The following PLSCR1 variants were observed in gnomAD, a reference collection of about 807,000 sequenced individuals.
PLSCR1 encodes phospholipid scramblase 1, also known as PL scramblase 1.
A neutral mutation model predicts 37.8 loss-of-function variants in PLSCR1; 17 were observed. The ratio of observed to expected loss-of-function variants is 0.45; its 90% CI spans 0.31 to 0.68. The LOEUF (loss-of-function observed/expected upper bound fraction) is 0.68. Ranked by LOEUF, PLSCR1 falls within the 30% of genes least tolerant of loss-of-function variation. The probability of loss-of-function intolerance (pLI) is 0.06; values close to 1 mark genes in which losing one functional copy is unlikely to be tolerated. For synonymous variants in PLSCR1, 116 were observed against 125.9 expected (o/e 0.92, Z 0.53); for missense variants, 347 against 380.9 (o/e 0.91, Z 0.74).
chr3:146,534,479 T>C (rs2044239981), intron 2 of PLSCR1, among the ~76,000 whole-genome samples: 1 of 152,198 alleles, frequency 6.6e-6, no homozygotes, highest in African/African-American at 2.4e-5. Context: ...CATTTTTCTG[T>C]ATGTGTCTCT....
intron 7 of PLSCR1, among the ~76,000 whole-genome samples, chr3:146,519,146 G>A (rs1410431754): frequency 6.6e-6 from 1 of 152,114 alleles, no homozygotes; most frequent in Non-Finnish European, 1.5e-5. Flanking sequence ...GCAAAGAGAA[G>A]TGAAAGAATT....
Position 146,525,648 on chromosome 3 carries a change from C to CTA in PLSCR1, c.313-3_313-2dup. 1 of 1,471,816 alleles carries CTA rather than the reference C, an allele frequency of 6.8e-7. No homozygotes were observed. The highest frequency in any genetic ancestry group is 1.2e-5 in the South Asian group (1 of 84,742). The allele number at this position is 1,471,816 out of a possible 1,614,324, so 91.2% of individuals were successfully genotyped here. ...GCTGATGAATCAGTATCTGATCTAT[C>CTA]TATAGCAGGAAAAAAAATAAGTGGT... is the stretch of plus-strand genomic sequence containing the variant. On this transcript the variant is annotated splice_acceptor_variant, in intron 4 of 8. Transcript: ENST00000342435. LOFTEE classifies it high-confidence loss of function.
intron 7 of PLSCR1, among the ~76,000 whole-genome samples, chr3:146,519,120 A>T (rs1052495491): frequency 2.0e-5 from 3 of 152,188 alleles, no homozygotes; most frequent in African/African-American, 4.8e-5. Flanking sequence ...CCCAATTTTC[A>T]TGTAAAAAAA....
chr3:146,516,154 A>G, intron 8 of PLSCR1, 53 bp from the exon 9 acceptor site: 1 of 1,109,092 alleles, frequency 9.0e-7, no homozygotes, highest in South Asian at 1.3e-5. Context: ...AACAGAGATC[A>G]ATTATCAGAT....
intron 5 of PLSCR1, among the ~76,000 whole-genome samples, chr3:146,523,262 T>C (rs1241958467): frequency 6.6e-6 from 1 of 152,224 alleles, no homozygotes; most frequent in South Asian, 2.1e-4. Flanking sequence ...AAGTTATATT[T>C]TCCTAATTCC....
chr3:146,518,137 C>A (rs922061), intron 7 of PLSCR1, among the ~76,000 whole-genome samples: 24,177 of 152,140 alleles, frequency 0.16, 1,939 homozygotes, highest in Middle Eastern at 0.2. Flanking sequence ...CAGTATACTT[C>A]CTGTTCCTTC....
intron 4 of PLSCR1, 146 bp downstream of exon 4, chr3:146,528,468 A>G (rs2044148673): frequency 1.5e-6 from 1 of 661,266 alleles, no homozygotes; most frequent in Admixed American, 2.7e-5. Context: ...AAATTGAACC[A>G]GACCTAGAAG....
Position 146,517,057 on chromosome 3 carries a change from T to C in PLSCR1, c.849A>G (p.Leu283=). 2 of 1,604,554 alleles carry C rather than the reference T, an allele frequency of 1.2e-6. No homozygotes were observed. The highest frequency in any genetic ancestry group is 2.7e-5 in the African/African-American group (2 of 74,532). The change falls in exon 8 of 9, where the codon TTA becomes TTG. Residue 283 remains leucine (L), a synonymous_variant. Coordinates refer to ENST00000342435, the MANE Select transcript of PLSCR1 (RefSeq NM_021105.3). ...DADNFGIQFP[L]DLDVKMKAVM... ...CAGCTTTCATTTTAACATCAAGGTC[T>C]AAAGGGAACTGGATTCCAAAGTTAT...
At chr3:146,533,650 T>C in intron 2 of PLSCR1, 100 bp from the exon 3 acceptor site, 2 of 623,402 alleles carry the variant, frequency 3.2e-6, no homozygotes, top group South Asian at 2.9e-5. Flanking sequence ...TGTATGTTCT[T>C]ATGCTGTATT....
intron 7 of PLSCR1, among the ~76,000 whole-genome samples, chr3:146,519,621 A>G (rs894509616): frequency 6.6e-6 from 1 of 152,110 alleles, no homozygotes; most frequent in Non-Finnish European, 1.5e-5. Flanking sequence ...TTTCCTATAC[A>G]TAACTAAAAT....
intron 2 of PLSCR1, 24 bp downstream of exon 2, chr3:146,536,515 TA>T: frequency 1.7e-6 from 2 of 1,180,166 alleles, no homozygotes; most frequent in South Asian, 2.4e-5. Context: ...AGGAGGAAAG[TA>T]AACATTTAAA....
intron 5 of PLSCR1, among the ~76,000 whole-genome samples, chr3:146,523,800 A>G (rs2044067252): frequency 6.6e-6 from 1 of 152,176 alleles, no homozygotes; most frequent in Non-Finnish European, 1.5e-5. Flanking sequence ...GGCTTTCCAT[A>G]TCTAACCATA....
intron 2 of PLSCR1, among the ~76,000 whole-genome samples, chr3:146,534,485 TC>T (rs1357167427): frequency 6.6e-6 from 1 of 152,172 alleles, no homozygotes; most frequent in Non-Finnish European, 1.5e-5. Context: ...TCTGTATGTG[TC>T]TCTATTATGA....
chr3:146,524,604 G>A (rs1297836829), intron 5 of PLSCR1, among the ~76,000 whole-genome samples: 1 of 151,902 alleles, frequency 6.6e-6, no homozygotes, highest in African/African-American at 2.4e-5. Context: ...TTATATGTCT[G>A]TTTGGATTTT....
At chr3:146,539,056 T>C (rs959877220) in intron 1 of PLSCR1, among the ~76,000 whole-genome samples, 1 of 152,216 alleles carries the variant, frequency 6.6e-6, no homozygotes, top group African/African-American at 2.4e-5. Context: ...GTGCACTTTA[T>C]TTCTATTATT....
Position 146,528,818 on chromosome 3 carries a change from A to G in PLSCR1, c.108T>C (p.Tyr36=), listed in dbSNP as rs753282594. The G allele has an allele frequency of 6.2e-7, 1 of 1,613,248 alleles. No homozygotes were observed. Among genetic ancestry groups the G allele is most frequent in the African/African-American group, 1.3e-5 (1 of 74,906 alleles). Reference sequence around the variant, plus strand: ...TGACCTGGGGCCCAGGGTAGCCACTATATCCTGGAGGTCCTGAAATACAAA... The same window carrying G: ...TGACCTGGGGCCCAGGGTAGCCACTGTATCCTGGAGGTCCTGAAATACAAA... ...PPTAFQGPPG[Y]SGYPGPQVSY... is the part of the protein sequence containing the mutation. The change falls in exon 4 of 9, where the codon TAT becomes TAC. Residue 36 remains tyrosine, a synonymous_variant. Transcript: ENST00000342435.
chr3:146,542,545 A>G (rs573363114), intron 1 of PLSCR1, among the ~76,000 whole-genome samples: 1 of 152,338 alleles, frequency 6.6e-6, no homozygotes, highest in South Asian at 2.1e-4. Flanking sequence ...TGTAAGAAAT[A>G]AATTTCTGTC....
At chr3:146,525,278 T>C (rs1430590398) in intron 5 of PLSCR1, among the ~76,000 whole-genome samples, 1 of 152,258 alleles carries the variant, frequency 6.6e-6, no homozygotes, top group Non-Finnish European at 1.5e-5. Context: ...GTGCCATTCT[T>C]AAGCTGATCA....
At chr3:146,529,442 A>G (rs1324007841) in intron 3 of PLSCR1, among the ~76,000 whole-genome samples, 1 of 152,158 alleles carries the variant, frequency 6.6e-6, no homozygotes, top group Admixed American at 6.5e-5. Context: ...AGCTCCCTAA[A>G]AATGAAGAAT....
Sources: gnomAD v4.1 joint callset for allele counts (sites outside exome capture counted in the v4.1 genomes callset) on GRCh38, gnomAD v4.1.1 for gene constraint, MANE v1.5 for transcripts, NCBI Gene and HGNC (gene_info 2026-07-23, HGNC 2026-07-21) for gene names.